REPS2: variants seen among roughly 807,000 people sequenced by gnomAD.
REPS2 encodes RALBP1 associated Eps domain containing 2.
REPS2 carries 23 observed loss-of-function variants against 53.6 expected under a neutral mutation model. That is an observed-to-expected ratio of 0.43 (90% confidence interval 0.31 to 0.61). The LOEUF (loss-of-function observed/expected upper bound fraction) is 0.61, where lower values mean the gene tolerates loss of function less well. Among genes scored for constraint, REPS2 ranks in the 20% least tolerant of loss-of-function variants. The pLI is 0.11. For synonymous variants in REPS2, 238 were observed against 218.6 expected (o/e 1.09, Z -0.78); for missense variants, 446 against 534.9 (o/e 0.83, Z 1.64).
chrX:17,167,624 TTTTA>T, the REPS2 span, among the ~76,000 whole-genome samples: 9 of 106,330 alleles, frequency 8.5e-5, no homozygotes, highest in African/African-American at 2.4e-4. Context: ...TTCTGCTTGT[TTTTA>T]TTTGTTTGTT....
At chrX:17,079,038 T>A (rs1023382325) in intron 13 of REPS2, among the ~76,000 whole-genome samples, 10 of 112,292 alleles carry the variant, frequency 8.9e-5, no homozygotes, top group Non-Finnish European at 1.7e-4. Flanking sequence ...TTTGGATATT[T>A]TTGGATTTTG....
chrX:17,131,951 C>T (rs1327726552), intron 14 of REPS2, among the ~76,000 whole-genome samples: 2 of 99,382 alleles, frequency 2.0e-5, no homozygotes, highest in African/African-American at 7.5e-5. Flanking sequence ...ATTAAAGATA[C>T]TTTTTGTGAA....
chrX:17,174,047 A>G, the REPS2 span, among the ~76,000 whole-genome samples: 1 of 111,080 alleles, frequency 9.0e-6, no homozygotes, highest in East Asian at 2.8e-4. Context: ...TAAAAAAAAA[A>G]AAGAATTGAG....
chrX:17,095,811 C>T, intron 13 of REPS2, among the ~76,000 whole-genome samples: 1 of 110,872 alleles, frequency 9.0e-6, no homozygotes, highest in Non-Finnish European at 1.9e-5. Context: ...TATTGCTTTC[C>T]TCATTTTACC....
In REPS2 at chrX:17,135,643, G is replaced by C. The variant is rs774503651; in HGVS notation, c.1808+237G>C. ...AGTCCTAGGCTGTGGTGTTTGGTTTGGTTTGATTTCTTTCCCTTCCTCTCA... is the reference window on the plus strand; with the variant it reads ...AGTCCTAGGCTGTGGTGTTTGGTTTCGTTTGATTTCTTTCCCTTCCTCTCA... On this transcript the variant is annotated intron_variant, in intron 16 of 17. Coordinates refer to ENST00000357277, the MANE Select transcript of REPS2 (RefSeq NM_004726.3). The C allele has an allele frequency of 3.6e-5, 11 of 308,198 alleles. No homozygotes were observed. In the East Asian group the frequency reaches 5.5e-4, roughly 15 times the overall value. The allele number at this position is 308,198 out of a possible 1,213,427, so 25.4% of individuals were successfully genotyped here.
the REPS2 span, among the ~76,000 whole-genome samples, chrX:17,160,898 C>T: frequency 1.8e-5 from 2 of 111,921 alleles, no homozygotes; most frequent in Non-Finnish European, 3.8e-5. Context: ...CCTGTCCCAC[C>T]ATTGTATGTT....
At position 17,146,408 on chromosome X, in the gene REPS2, A is replaced by G. The variant is rs375770132; in HGVS notation, c.1915-1005A>G. On this transcript the variant is annotated intron_variant, in intron 17 of 17. Coordinates refer to ENST00000357277, the MANE Select transcript of REPS2 (RefSeq NM_004726.3). ...CTCATTTCATTCAAGTCTTTGCTCA[A>G]GTATTGCTAACTCTGAGAAGCCTTC... is the stretch of plus-strand genomic sequence containing the variant. Among the ~76,000 whole-genome samples, 24 of 111,130 alleles carry G rather than the reference A, an allele frequency of 2.2e-4. No homozygotes were observed. The East Asian group carries it at 2.6e-3, about 12-fold the overall frequency.
At chrX:17,112,101 A>G (rs938903142) in intron 14 of REPS2, among the ~76,000 whole-genome samples, 1 of 109,896 alleles carries the variant, frequency 9.1e-6, no homozygotes, top group African/African-American at 3.3e-5. Context: ...CTGGGACTAT[A>G]GGTCCTTGCT....
At chrX:17,005,397 C>T (rs773246466) in intron 1 of REPS2, among the ~76,000 whole-genome samples, 1 of 111,875 alleles carries the variant, frequency 8.9e-6, no homozygotes, top group South Asian at 3.7e-4. Flanking sequence ...ATTGAACCCT[C>T]ATGAACCCAC....
intron 2 of REPS2, among the ~76,000 whole-genome samples, chrX:17,012,468 A>G (rs1214505032): frequency 8.9e-6 from 1 of 112,167 alleles, no homozygotes; most frequent in East Asian, 2.8e-4. Flanking sequence ...TAGTGATAAT[A>G]CAGTGGCTTG....
At chrX:17,041,019 G>C (rs2061823410) in intron 5 of REPS2, among the ~76,000 whole-genome samples, 1 of 111,650 alleles carries the variant, frequency 9.0e-6, no homozygotes, top group Non-Finnish European at 1.9e-5. Context: ...ACATTTTAAT[G>C]ACTTTGCACA....
At chrX:17,129,448 C>T (rs2063263286) in intron 14 of REPS2, among the ~76,000 whole-genome samples, 1 of 111,472 alleles carries the variant, frequency 9.0e-6, no homozygotes, top group Non-Finnish European at 1.9e-5. Flanking sequence ...TGGGACCTTC[C>T]TAATGCCTGT....
At chrX:17,193,928 G>T in the REPS2 span, among the ~76,000 whole-genome samples, 3 of 111,538 alleles carry the variant, frequency 2.7e-5, no homozygotes, top group Non-Finnish European at 5.6e-5. Flanking sequence ...CATTTCCTCA[G>T]ATCTATTCTG....
chrX:17,147,214 A>G lies in REPS2; in HGVS notation c.1915-199A>G, dbSNP rs777006690. ...TCATCACGTTCAGAAAGGAGTTGAG[A>G]GATTACAAATTGTGAAGCCCCTTTT... On this transcript the variant is annotated intron_variant, in intron 17 of 17. Transcript: ENST00000357277. Among the ~76,000 whole-genome samples, 4 of 111,675 alleles carry G rather than the reference A, an allele frequency of 3.6e-5. No homozygotes were observed. The South Asian group carries it at 1.5e-3, about 42-fold the overall frequency.
intron 5 of REPS2, among the ~76,000 whole-genome samples, chrX:17,030,877 A>G (rs2061700674): frequency 8.9e-6 from 1 of 112,247 alleles, no homozygotes; most frequent in Non-Finnish European, 1.9e-5. Context: ...TTAGAGTCCC[A>G]TATTACAAGA....
intron 14 of REPS2, among the ~76,000 whole-genome samples, chrX:17,118,942 T>G (rs1165227875): frequency 6.2e-5 from 7 of 112,579 alleles, no homozygotes; most frequent in Non-Finnish European, 9.4e-5. Context: ...TTTATGCATT[T>G]CAAAATTGAT....
chrX:16,995,572 A>C (rs1303662432), intron 1 of REPS2, among the ~76,000 whole-genome samples: 1 of 112,155 alleles, frequency 8.9e-6, no homozygotes, highest in Admixed American at 9.4e-5. Context: ...ATGTTCAATA[A>C]ATGTTGATCA....
At chrX:17,158,071 C>T (rs905402536), downstream of REPS2, among the ~76,000 whole-genome samples, 1 of 111,234 alleles carries the variant, frequency 9.0e-6, no homozygotes, top group Admixed American at 9.5e-5. Context: ...TCGCCTCCCT[C>T]ATCCCACAGT....
At chrX:17,083,839 G>C (rs1465414748) in intron 13 of REPS2, among the ~76,000 whole-genome samples, 1 of 110,799 alleles carries the variant, frequency 9.0e-6, no homozygotes, top group African/African-American at 3.3e-5. Flanking sequence ...CTATCCAAGG[G>C]TTCAATTTGG....
Sources: gnomAD v4.1 joint callset for allele counts (sites outside exome capture counted in the v4.1 genomes callset) on GRCh38, gnomAD v4.1.1 for gene constraint, MANE v1.5 for transcripts, NCBI Gene and HGNC (gene_info 2026-07-23, HGNC 2026-07-21) for gene names.